CNBD1: variants seen among roughly 807,000 people sequenced by gnomAD.
CNBD1 encodes the protein cyclic nucleotide-binding domain-containing protein 1.
A neutral mutation model predicts 54.4 loss-of-function variants in CNBD1; 71 were observed. The observed-to-expected ratio is 1.30, with a 90% CI of 1.08 to 1.59. CNBD1 has a LOEUF of 1.59. Among genes scored for constraint, CNBD1 ranks in the 40% most tolerant of loss-of-function variants. The pLI is 0.00. For synonymous variants in CNBD1, 182 were observed against 170.7 expected (o/e 1.07, Z -0.51); for missense variants, 659 against 518.0 (o/e 1.27, Z -2.64).
intron 3 of CNBD1, among the ~76,000 whole-genome samples, chr8:86,915,005 T>A (rs745475470): frequency 1.3e-5 from 2 of 152,200 alleles, no homozygotes; most frequent in Non-Finnish European, 2.9e-5. Context: ...GAGAGTTTAA[T>A]ACACGCAGAG....
chr8:86,985,675 C>G (rs1209264349), intron 4 of CNBD1, among the ~76,000 whole-genome samples: 1 of 152,116 alleles, frequency 6.6e-6, no homozygotes, highest in Admixed American at 6.6e-5. Flanking sequence ...GTGCATGTGT[C>G]TTTTTGGTAG....
rs376775460 is a variant in CNBD1 at position 87,339,415 on chromosome 8, GCT to G, written c.1043-12267_1043-12266del. On this transcript the variant is annotated intron_variant, in intron 8 of 10. Coordinates refer to ENST00000518476, the MANE Select transcript of CNBD1 (RefSeq NM_173538.3). ...TGGAAATTTCAGCTTATGGGTTTCT[GCT>G]CTGTTAAGTTTTGATTGTCTGTTTT... Among the ~76,000 whole-genome samples the G allele has an allele frequency of 3.1e-3, 476 of 152,254 alleles. 2 individuals are homozygous for G. Among genetic ancestry groups the G allele is most frequent in the African/African-American group, 0.011 (450 of 41,556 alleles).
Position 87,318,502 on chromosome 8 carries a change from G to A in CNBD1, c.1042+31831G>A, listed in dbSNP as rs543894005. Among the ~76,000 whole-genome samples the A allele has an allele frequency of 9.9e-4, 151 of 152,166 alleles. 2 individuals carry two copies. Among genetic ancestry groups the A allele is most frequent in the African/African-American group, 3.4e-3 (141 of 41,526 alleles). On this transcript the variant is annotated intron_variant, in intron 8 of 10. Coordinates refer to ENST00000518476, the MANE Select transcript of CNBD1 (RefSeq NM_173538.3). ...CCAATACACCATACGTTTTGAAGGA[G>A]CCCCTGCGTGCACATCAGAGGTTGT...
intron 4 of CNBD1, among the ~76,000 whole-genome samples, chr8:87,034,539 T>A (rs1433914723): frequency 6.6e-6 from 1 of 152,266 alleles, no homozygotes; most frequent in Non-Finnish European, 1.5e-5. Flanking sequence ...TTTATTTACA[T>A]GTCTATTAAC....
chr8:87,011,304 C>T (rs1252604993), intron 4 of CNBD1, among the ~76,000 whole-genome samples: 2 of 151,852 alleles, frequency 1.3e-5, no homozygotes, highest in Non-Finnish European at 2.9e-5. Context: ...TTGGCCTCCA[C>T]CCTCGTGTAG....
At chr8:87,268,313 A>C (rs993146627) in intron 6 of CNBD1, among the ~76,000 whole-genome samples, 5 of 152,116 alleles carry the variant, frequency 3.3e-5, no homozygotes, top group African/African-American at 1.2e-4. Context: ...GTGTTAGTTC[A>C]TGGTGTATAT....
At chr8:86,960,879 G>A (rs1418369799) in intron 4 of CNBD1, among the ~76,000 whole-genome samples, 1 of 152,182 alleles carries the variant, frequency 6.6e-6, no homozygotes, top group Admixed American at 6.5e-5. Flanking sequence ...ACAGGTTGTG[G>A]AGTGGACCTC....
chr8:87,227,424 A>G (rs887274858), intron 5 of CNBD1, among the ~76,000 whole-genome samples: 13 of 149,162 alleles, frequency 8.7e-5, no homozygotes, highest in African/African-American at 3.0e-4. Flanking sequence ...GAGCTCTTTT[A>G]GGGCAGGCCT....
At chr8:87,153,416 T>C (rs1812647307) in intron 4 of CNBD1, among the ~76,000 whole-genome samples, 1 of 152,142 alleles carries the variant, frequency 6.6e-6, no homozygotes, top group Non-Finnish European at 1.5e-5. Flanking sequence ...TAAGCTATAA[T>C]TTATAGAGAA....
chr8:87,031,151 G>A (rs1809780781), intron 4 of CNBD1, among the ~76,000 whole-genome samples: 1 of 151,494 alleles, frequency 6.6e-6, no homozygotes, highest in Non-Finnish European at 1.5e-5. Flanking sequence ...AAATGGCAAG[G>A]GAATAGGGGG....
chr8:87,426,042 C>G (rs146064199), intron 2 of CNBD1, among the ~76,000 whole-genome samples: 3 of 152,172 alleles, frequency 2.0e-5, no homozygotes, highest in African/African-American at 7.2e-5. Context: ...TTAAGCCCGT[C>G]GGAAAATCGC....
chr8:87,125,162 T>C (rs998361548), intron 4 of CNBD1, among the ~76,000 whole-genome samples: 1 of 151,684 alleles, frequency 6.6e-6, no homozygotes, highest in Admixed American at 6.6e-5. Flanking sequence ...TTGAAAGATA[T>C]CCTGTGTTCA....
At chr8:87,147,244 ATCTC>A (rs974324700) in intron 4 of CNBD1, among the ~76,000 whole-genome samples, 52 of 152,186 alleles carry the variant, frequency 3.4e-4, no homozygotes, top group African/African-American at 1.1e-3. Flanking sequence ...ATCTCTGTAT[ATCTC>A]TCTATCATCT....
intron 10 of CNBD1, among the ~76,000 whole-genome samples, chr8:87,381,299 A>G (rs1405572702): frequency 6.6e-6 from 1 of 151,886 alleles, no homozygotes; most frequent in African/African-American, 2.4e-5. Flanking sequence ...CAATGCCACT[A>G]ACAGGAAAAT....
chr8:87,085,054 T>A (rs981840189), intron 4 of CNBD1, among the ~76,000 whole-genome samples: 69 of 152,312 alleles, frequency 4.5e-4, no homozygotes, highest in African/African-American at 1.6e-3. Context: ...TTCCTTTAGT[T>A]ATTTTTGAAG....
At chr8:87,241,554 G>A (rs1328629806) in intron 6 of CNBD1, among the ~76,000 whole-genome samples, 3 of 152,142 alleles carry the variant, frequency 2.0e-5, no homozygotes, top group African/African-American at 4.8e-5. Context: ...TTACAGGCGT[G>A]AGCCACTGCA....
intron 8 of CNBD1, among the ~76,000 whole-genome samples, chr8:87,344,996 A>G (rs1224847577): frequency 6.6e-6 from 1 of 152,186 alleles, no homozygotes; most frequent in Non-Finnish European, 1.5e-5. Flanking sequence ...TGACACAAAT[A>G]TGAAAATATT....
chr8:87,379,603 G>T (rs1188490485), intron 10 of CNBD1, among the ~76,000 whole-genome samples: 1 of 151,772 alleles, frequency 6.6e-6, no homozygotes, highest in Non-Finnish European at 1.5e-5. Flanking sequence ...ATTCATTTTT[G>T]ATGAAGAAAT....
At chr8:87,254,991 A>T (rs1393494138) in intron 6 of CNBD1, among the ~76,000 whole-genome samples, 3 of 152,072 alleles carry the variant, frequency 2.0e-5, no homozygotes, top group Non-Finnish European at 2.9e-5. Context: ...ATTTTTTTTA[A>T]AAAAGATTTT....
Sources: gnomAD v4.1 joint callset for allele counts (sites outside exome capture counted in the v4.1 genomes callset) on GRCh38, gnomAD v4.1.1 for gene constraint, MANE v1.5 for transcripts, NCBI Gene and HGNC (gene_info 2026-07-23, HGNC 2026-07-21) for gene names.